Variants in NIPSNAP1 observed in about 807,000 individuals in gnomAD.
NIPSNAP1 encodes the protein nipsnap homolog 1.
A neutral mutation model predicts 49.2 loss-of-function variants in NIPSNAP1; 25 were observed. The ratio of observed to expected loss-of-function variants is 0.51; its 90% CI spans 0.37 to 0.71. The LOEUF (loss-of-function observed/expected upper bound fraction) is 0.71. Ranked by LOEUF, NIPSNAP1 falls within the 30% of genes least tolerant of loss-of-function variation. The pLI, the probability that NIPSNAP1 is intolerant of heterozygous loss-of-function variation, is 0.00. For missense variants in NIPSNAP1, 294 were observed against 361.0 expected (o/e 0.81, Z 1.50); for synonymous variants, 143 against 140.7 (o/e 1.02, Z -0.12).
In NIPSNAP1 at chr22:29,577,315, C is replaced by T. The variant is rs145840805; in HGVS notation, c.98+3670G>A. 3.0e-4 allele frequency among the ~76,000 whole-genome samples: 45 copies of T among 151,342 alleles called. 4 individuals are homozygous for T. In the East Asian group the frequency reaches 4.8e-3, roughly 16 times the overall value. On this transcript the variant is annotated intron_variant, in intron 1 of 9. Transcript: ENST00000216121. Reference sequence around the variant, plus strand: ...TTGCCCAGGCTGGAGTGCAATGGCACGATCTCGGCTCACTGCAACTTCCAC... The same window carrying T: ...TTGCCCAGGCTGGAGTGCAATGGCATGATCTCGGCTCACTGCAACTTCCAC...
At chr22:29,559,245 G>C (rs1477168783) in intron 8 of NIPSNAP1, among the ~76,000 whole-genome samples, 1 of 39,836 alleles carries the variant, frequency 2.5e-5, no homozygotes. Flanking sequence ...AGCATTTTTA[G>C]TGTTAACACT....
At chr22:29,556,709 CTGATTTGGTAGGT>C (rs754011726) in intron 9 of NIPSNAP1, among the ~76,000 whole-genome samples, 2 of 152,094 alleles carry the variant, frequency 1.3e-5, no homozygotes, top group Non-Finnish European at 2.9e-5. Context: ...TGTGCAGATT[CTGATTTGGTAGGT>C]TGCAGGAAGC....
At chr22:29,577,833 A>C (rs2064465784) in intron 1 of NIPSNAP1, among the ~76,000 whole-genome samples, 1 of 150,300 alleles carries the variant, frequency 6.7e-6, no homozygotes, top group Admixed American at 6.6e-5. Flanking sequence ...CCCCAGTTCA[A>C]GCGATTCTCC....
chr22:29,579,096 G>C, intron 1 of NIPSNAP1, among the ~76,000 whole-genome samples: 1 of 150,304 alleles, frequency 6.7e-6, no homozygotes, highest in East Asian at 1.9e-4. Context: ...TTTTGTAGAC[G>C]GAGTCTCGCT....
chr22:29,559,863 A>G (rs1208792746), intron 8 of NIPSNAP1, among the ~76,000 whole-genome samples: 1 of 152,196 alleles, frequency 6.6e-6, no homozygotes, highest in African/African-American at 2.4e-5. Context: ...CACTCTTAAC[A>G]AAGCAGACAG....
chr22:29,578,450 G>T (rs535692169), intron 1 of NIPSNAP1, among the ~76,000 whole-genome samples: 3 of 151,154 alleles, frequency 2.0e-5, no homozygotes, highest in Non-Finnish European at 4.4e-5. Context: ...GGGATTACAG[G>T]CGTGAGCAAT....
chr22:29,571,537 C>T (rs2064407556), intron 1 of NIPSNAP1, among the ~76,000 whole-genome samples: 1 of 152,158 alleles, frequency 6.6e-6, no homozygotes. Flanking sequence ...AACACATACC[C>T]AAGGTCCCAG....
intron 8 of NIPSNAP1, among the ~76,000 whole-genome samples, chr22:29,559,456 G>C (rs2146601351): frequency 6.6e-6 from 1 of 152,096 alleles, no homozygotes; most frequent in Non-Finnish European, 1.5e-5. Context: ...AGAATCACTT[G>C]AACTTGGGAA....
At chr22:29,579,960 C>CA in intron 1 of NIPSNAP1, 1 of 686,676 alleles carries the variant, frequency 1.5e-6, no homozygotes, top group South Asian at 1.6e-5. Flanking sequence ...CCCAGCTGTC[C>CA]AAAAGCCCCA....
chr22:29,557,166 T>C (rs2092937819), intron 9 of NIPSNAP1, among the ~76,000 whole-genome samples: 1 of 152,002 alleles, frequency 6.6e-6, no homozygotes, highest in African/African-American at 2.4e-5. Context: ...TCTTCCAGGC[T>C]GGAGTGCAGT....
intron 1 of NIPSNAP1, 60 bp from the exon 2 acceptor site, chr22:29,570,592 T>C: frequency 6.3e-7 from 1 of 1,578,492 alleles, no homozygotes; most frequent in Non-Finnish European, 8.6e-7. Context: ...AGCAATTCCA[T>C]CCACTTGGAT....
At chr22:29,580,725 G>T (rs1184861091) in intron 1 of NIPSNAP1, among the ~76,000 whole-genome samples, 1 of 151,902 alleles carries the variant, frequency 6.6e-6, no homozygotes, top group Non-Finnish European at 1.5e-5. Flanking sequence ...CACTCTCCAG[G>T]GCCCAGTACC....
chr22:29,579,574 C>T (rs1317851572), intron 1 of NIPSNAP1, among the ~76,000 whole-genome samples: 3 of 152,134 alleles, frequency 2.0e-5, no homozygotes, highest in East Asian at 1.9e-4. Flanking sequence ...GGATTACAGG[C>T]GTGAGCCACC....
At chr22:29,561,235 G>A in intron 6 of NIPSNAP1, 33 bp from the exon 7 acceptor site, 1 of 1,611,390 alleles carries the variant, frequency 6.2e-7, no homozygotes, top group South Asian at 1.1e-5. Context: ...ATGGGAATGA[G>A]CCCCCACCTC....
At chr22:29,564,571 G>A (rs895809064) in intron 4 of NIPSNAP1, among the ~76,000 whole-genome samples, 5 of 151,958 alleles carry the variant, frequency 3.3e-5, no homozygotes, top group South Asian at 2.1e-4. Flanking sequence ...ATGCCACCAC[G>A]CCCAGCTAAT....
chr22:29,561,765 A>G, intron 5 of NIPSNAP1, 27 bp downstream of exon 5: 1 of 1,613,774 alleles, frequency 6.2e-7, no homozygotes, highest in Non-Finnish European at 8.5e-7. Context: ...ACATCCAGAG[A>G]GGTGTGCTGA....
Position 29,581,045 on chromosome 22 carries a change from C to A in NIPSNAP1, c.38G>T (p.Arg13Leu), listed in dbSNP as rs1451653444. Reference protein sequence around the residue: ...PRLCSISVTARRLLGGPGPRA... With the variant: ...PRLCSISVTALRLLGGPGPRA... ...AGGCCCCGGGCCCCCCAGCAGCCGC[C>A]GCGCCGTCACAGAGATGCTGCACAG... The change falls in exon 1 of 10, where the codon CGG (arginine) becomes CTG (leucine). Residue 13 changes from arginine to leucine, a missense_variant. By Grantham distance (102) the Arg-to-Leu change is moderately radical (BLOSUM62 -2). Around this residue, in one of 4 missense-constraint regions of NIPSNAP1, gnomAD observed 88 missense variants for 76.1 expected, o/e 1.16. Coordinates refer to ENST00000216121, the MANE Select transcript of NIPSNAP1 (RefSeq NM_003634.4). The A allele has an allele frequency of 3.2e-6, 5 of 1,539,626 alleles. No homozygotes were observed. In the East Asian group the frequency reaches 1.2e-4, roughly 38 times the overall value.
rs1569249213 is a variant in NIPSNAP1 at position 29,574,285 on chromosome 22, A to AGAAAG, written c.99-3754_99-3753insCTTTC. 1.2e-3 allele frequency among the ~76,000 whole-genome samples: 176 copies of AGAAAG among 148,494 alleles called. 12 individuals carry two copies. Among genetic ancestry groups the AGAAAG allele is most frequent in the African/African-American group, 3.0e-3 (120 of 39,736 alleles). On this transcript the variant is annotated intron_variant, in intron 1 of 9. Coordinates refer to ENST00000216121, the MANE Select transcript of NIPSNAP1 (RefSeq NM_003634.4). ...ACAAAAAAAAAAAAAAAAAAAAAAA[A>AGAAAG]AAAAAAAGAAAGAAAAAGAAAAGAA...
At chr22:29,569,368 A>G (rs2064390471) in intron 3 of NIPSNAP1, 81 bp from the exon 4 acceptor site, 1 of 1,049,972 alleles carries the variant, frequency 9.5e-7, no homozygotes, top group South Asian at 1.3e-5. Flanking sequence ...CAGTTCAAAC[A>G]GACCCTGGGG....
Sources: allele counts gnomAD v4.1 joint callset (sites outside exome capture counted in the v4.1 genomes callset), GRCh38; gene constraint gnomAD v4.1.1; regional missense constraint gnomAD v4.1.1; transcripts MANE v1.5; gene names NCBI Gene and HGNC (gene_info 2026-07-23, HGNC 2026-07-21).